Variants in MEIS2 observed in about 807,000 individuals in gnomAD.
MEIS2 encodes homeobox protein Meis2.
MEIS2 carries 9 observed loss-of-function variants against 58.6 expected under a neutral mutation model. The observed-to-expected ratio is 0.15, with a 90% CI of 0.09 to 0.27. The LOEUF (loss-of-function observed/expected upper bound fraction) is 0.27, where lower values mean the gene tolerates loss of function less well. MEIS2 is among the 10% of genes least tolerant of loss of function. MEIS2 has a pLI of 1.00. For missense variants in MEIS2, 427 were observed against 635.0 expected (o/e 0.67, Z 3.52); for synonymous variants, 221 against 228.4 (o/e 0.97, Z 0.29).
At chr15:36,920,870 C>T (rs1205465896) in intron 9 of MEIS2, among the ~76,000 whole-genome samples, 3 of 152,044 alleles carry the variant, frequency 2.0e-5, no homozygotes, top group Non-Finnish European at 4.4e-5. Flanking sequence ...TGGAACTGAC[C>T]AGTCTGACAA....
intron 6 of MEIS2, among the ~76,000 whole-genome samples, chr15:37,090,760 C>G (rs1260209244): frequency 6.6e-6 from 1 of 152,106 alleles, no homozygotes; most frequent in Non-Finnish European, 1.5e-5. Context: ...ACAGCTGTCA[C>G]AAACTGTCAC....
intron 7 of MEIS2, among the ~76,000 whole-genome samples, chr15:37,042,373 G>A (rs1165786228): frequency 6.6e-6 from 1 of 152,070 alleles, no homozygotes; most frequent in African/African-American, 2.4e-5. Flanking sequence ...AACCAAGACA[G>A]TCCTAGTCCA....
At chr15:37,058,236 C>T (rs1308941491) in intron 7 of MEIS2, among the ~76,000 whole-genome samples, 5 of 152,126 alleles carry the variant, frequency 3.3e-5, no homozygotes, top group East Asian at 1.9e-4. Context: ...TTCCAGCCCA[C>T]GAGCTGGTAG....
intron 7 of MEIS2, among the ~76,000 whole-genome samples, chr15:37,043,716 A>ACTAGCT (rs1167576196): frequency 3.3e-5 from 4 of 119,544 alleles, no homozygotes; most frequent in Admixed American, 1.2e-4. Flanking sequence ...ATGGAGTCCT[A>ACTAGCT]CTAGCTCTGT....
intron 8 of MEIS2, among the ~76,000 whole-genome samples, chr15:36,974,315 T>A (rs932152631): frequency 6.6e-6 from 1 of 152,182 alleles, no homozygotes; most frequent in Non-Finnish European, 1.5e-5. Context: ...TTTCTTTCCA[T>A]CGAGCCACAG....
In MEIS2 at chr15:36,987,956, T is replaced by A. The variant is rs183792343; in HGVS notation, c.901-37556A>T. On this transcript the variant is annotated intron_variant, in intron 8 of 11. Coordinates refer to ENST00000561208, the MANE Select transcript of MEIS2 (RefSeq NM_170675.5). ...ATTTTTGATAGGTATAATATTTTAC[T>A]TTAGAAATGCTCATTCATGTCACTG... Among the ~76,000 whole-genome samples, 318 of 152,318 alleles carry A rather than the reference T, an allele frequency of 2.1e-3. 1 individual carries two copies. The highest frequency in any genetic ancestry group is 3.1e-3 in the Non-Finnish European group (210 of 68,028).
chr15:37,000,864 C>A (rs1206657610), intron 8 of MEIS2, among the ~76,000 whole-genome samples: 1 of 152,160 alleles, frequency 6.6e-6, no homozygotes, highest in Non-Finnish European at 1.5e-5. Flanking sequence ...AAGCTAGGAT[C>A]CTCTCTATTT....
At chr15:36,950,912 C>A (rs923923362) in intron 8 of MEIS2, among the ~76,000 whole-genome samples, 1 of 152,052 alleles carries the variant, frequency 6.6e-6, no homozygotes, top group Non-Finnish European at 1.5e-5. Flanking sequence ...TAAGCCATGG[C>A]AACTGATTCA....
At chr15:36,988,183 C>T (rs769419967) in intron 8 of MEIS2, among the ~76,000 whole-genome samples, 1 of 152,140 alleles carries the variant, frequency 6.6e-6, no homozygotes, top group African/African-American at 2.4e-5. Context: ...ATGGATATAA[C>T]AATTTGCTTG....
intron 8 of MEIS2, among the ~76,000 whole-genome samples, chr15:37,030,816 A>C (rs1201673235): frequency 6.7e-6 from 1 of 150,040 alleles, no homozygotes; most frequent in Non-Finnish European, 1.5e-5. Flanking sequence ...AATTAAAAAA[A>C]AATTATAGAG....
At chr15:37,098,448 A>T in intron 1 of MEIS2, 3 of 1,176,490 alleles carry the variant, frequency 2.5e-6, no homozygotes, top group Non-Finnish European at 3.2e-6. Context: ...AAACAAAGTC[A>T]GAAAGGAGAA....
intron 7 of MEIS2, among the ~76,000 whole-genome samples, chr15:37,045,256 A>C (rs1384356766): frequency 6.6e-6 from 1 of 152,220 alleles, no homozygotes; most frequent in African/African-American, 2.4e-5. Flanking sequence ...AAAATGAAGT[A>C]TAATGTAGTA....
chr15:36,945,550 C>T, intron 9 of MEIS2, among the ~76,000 whole-genome samples: 1 of 152,026 alleles, frequency 6.6e-6, no homozygotes, highest in African/African-American at 2.4e-5. Flanking sequence ...TGATTCTTTT[C>T]TCTCGGCACA....
chr15:36,896,032 G>A (rs1292376901), intron 10 of MEIS2, among the ~76,000 whole-genome samples: 5 of 152,190 alleles, frequency 3.3e-5, no homozygotes, highest in Non-Finnish European at 7.3e-5. Context: ...AGTATACCAG[G>A]AGGGTTCTGA....
At chr15:37,043,753 C>A (rs1376759582) in intron 7 of MEIS2, among the ~76,000 whole-genome samples, 3 of 146,644 alleles carry the variant, frequency 2.0e-5, no homozygotes, top group Non-Finnish European at 3.0e-5. Context: ...AGTGGCGCAA[C>A]CTTGGCTCAC....
At chr15:36,919,882 T>C (rs1276926137) in intron 9 of MEIS2, among the ~76,000 whole-genome samples, 2 of 152,194 alleles carry the variant, frequency 1.3e-5, no homozygotes, top group Non-Finnish European at 2.9e-5. Flanking sequence ...TCCACTGACA[T>C]GGATGAGCAT....
At chr15:37,086,792 A>C (rs1351366877) in intron 6 of MEIS2, among the ~76,000 whole-genome samples, 1 of 152,216 alleles carries the variant, frequency 6.6e-6, no homozygotes, top group Non-Finnish European at 1.5e-5. Flanking sequence ...GAGCTACACA[A>C]GGTGGTGATG....
At chr15:37,050,740 GA>G (rs1371794360) in intron 7 of MEIS2, 1 of 152,210 alleles carries the variant, frequency 6.6e-6, no homozygotes, top group Non-Finnish European at 1.5e-5. Context: ...CTCATGGGGG[GA>G]AATGGTGATG....
rs531979698 is a variant in MEIS2 at position 36,943,142 on chromosome 15, T to A, written c.977+7182A>T. Reference sequence around the variant, plus strand: ...TAATTGTGTAATATTTGCAATGAGTTATCTTCAACTTTTTTCCTGTTTAAA... The same window carrying A: ...TAATTGTGTAATATTTGCAATGAGTAATCTTCAACTTTTTTCCTGTTTAAA... On this transcript the variant is annotated intron_variant, in intron 9 of 11. Transcript: ENST00000561208. Among the ~76,000 whole-genome samples, 11 of 152,298 alleles carry A rather than the reference T, an allele frequency of 7.2e-5. No homozygotes were observed. In the South Asian group the frequency reaches 2.3e-3, roughly 32 times the overall value.
Sources: gnomAD v4.1 joint callset for allele counts (sites outside exome capture counted in the v4.1 genomes callset) on GRCh38, gnomAD v4.1.1 for gene constraint, MANE v1.5 for transcripts, NCBI Gene and HGNC (gene_info 2026-07-23, HGNC 2026-07-21) for gene names.